FAT3: variants seen among roughly 807,000 people sequenced by gnomAD.
The protein encoded by FAT3 is protocadherin Fat 3.
In FAT3, 95 loss-of-function variants were observed where a neutral mutation model predicts 310.2. That is an observed-to-expected ratio of 0.31 (90% confidence interval 0.26 to 0.36). The LOEUF (loss-of-function observed/expected upper bound fraction) is 0.36, where lower values mean the gene tolerates loss of function less well. Ranked by LOEUF, FAT3 falls within the 10% of genes least tolerant of loss-of-function variation. The pLI, the probability that FAT3 is intolerant of heterozygous loss-of-function variation, is 1.00. For synonymous variants in FAT3, 2,314 were observed against 2,192.9 expected, an observed-to-expected ratio of 1.06 and a Z score of -1.54; for missense variants, 5,408 against 5,715.6, an observed-to-expected ratio of 0.95 and a Z score of 1.74.
intron 4 of FAT3, among the ~76,000 whole-genome samples, chr11:92,759,520 T>G (rs115477530): frequency 6.6e-6 from 1 of 152,132 alleles, no homozygotes; most frequent in African/African-American, 2.4e-5. Flanking sequence ...CAGCTGGACT[T>G]AAAGGGTGAG....
Position 92,352,208 on chromosome 11 carries a change from G to A in FAT3, c.96G>A (p.Gly32=), listed in dbSNP as rs948993113. Residue 32 remains glycine, a synonymous_variant, in exon 2 of 28, where the codon GGG becomes GGA. Coordinates refer to ENST00000525166, the MANE Select transcript of FAT3 (RefSeq NM_001367949.2). ...AGCTTTTGGCCACTGTCTCCCAGGG[G>A]CTGCCAGGGACTGGACCCCTGGGCT... The part of the protein sequence containing the change: ...LFKLLATVSQ[G]LPGTGPLGFH... The A allele has an allele frequency of 3.6e-6, 5 of 1,378,894 alleles. No homozygotes were observed. The highest frequency in any genetic ancestry group is 4.4e-5 in the East Asian group (1 of 22,642). 85.4% of individuals were successfully genotyped at this position (1,378,894 alleles called of 1,614,324 possible).
chr11:92,617,492 A>G (rs1306633946), intron 3 of FAT3, among the ~76,000 whole-genome samples: 2 of 152,122 alleles, frequency 1.3e-5, no homozygotes, highest in African/African-American at 4.8e-5. Context: ...AACTCGTCAA[A>G]GTCATTCTCT....
intron 20 of FAT3, among the ~76,000 whole-genome samples, chr11:92,858,826 G>A (rs959777130): frequency 3.3e-5 from 5 of 152,280 alleles, no homozygotes; most frequent in South Asian, 2.1e-4. Context: ...AGGAATGAAG[G>A]GGTATCTTTT....
chr11:92,484,675 AG>A (rs1374343240), intron 2 of FAT3, among the ~76,000 whole-genome samples: 2 of 152,210 alleles, frequency 1.3e-5, no homozygotes, highest in Non-Finnish European at 2.9e-5. Context: ...TTAAACCCAC[AG>A]CTTATTGTTT....
chr11:92,625,124 A>G (rs1478409038), intron 3 of FAT3, among the ~76,000 whole-genome samples: 1 of 152,178 alleles, frequency 6.6e-6, no homozygotes, highest in Non-Finnish European at 1.5e-5. Flanking sequence ...AGAGAACACG[A>G]GAAAAGGAGA....
intron 3 of FAT3, among the ~76,000 whole-genome samples, chr11:92,553,616 A>T (rs1048803864): frequency 6.6e-6 from 1 of 152,108 alleles, no homozygotes; most frequent in African/African-American, 2.4e-5. Flanking sequence ...CTGGGAGCAG[A>T]CCTAAACTCT....
chr11:92,866,906 C>A lies in FAT3; in HGVS notation c.11824C>A (p.Arg3942=), dbSNP rs190745363. Residue 3942 remains arginine, a synonymous_variant, in exon 22 of 28, where the codon CGG becomes AGG. Coordinates refer to ENST00000525166, the MANE Select transcript of FAT3 (RefSeq NM_001367949.2). ...GGATGACAGCTACGTGGAGCGGCGC[C>A]GGGCGCCCCTCTACTTCCAGACGCT... ...SLDDSYVERR[R]APLYFQTLST... is the part of the protein sequence containing the mutation. 6.2e-7 allele frequency: 1 copy of A among 1,613,982 alleles called. No homozygotes were observed. Among genetic ancestry groups the A allele is most frequent in the Non-Finnish European group, 8.5e-7 (1 of 1,179,900 alleles).
chr11:92,805,243 A>G lies in FAT3; in HGVS notation c.8987A>G (p.Asp2996Gly). 4 of 1,613,922 alleles carry G rather than the reference A, an allele frequency of 2.5e-6. No homozygotes were observed. Among genetic ancestry groups the G allele is most frequent in the Admixed American group, 1.7e-5 (1 of 60,020 alleles). The change falls in exon 11 of 28, where the codon GAC becomes GGC. Residue 2996 changes from aspartate to glycine, a missense_variant. By Grantham distance (94) the Asp-to-Gly change is moderately conservative. Transcript: ENST00000525166. ...AGGCCTCTAGACAGAGAAGAACAGG[A>G]CATTTACTTTCTCAATATCACTGCC... The part of the protein sequence containing the change: ...VKRPLDREEQ[D>G]IYFLNITATD...
intron 1 of FAT3, among the ~76,000 whole-genome samples, chr11:92,305,228 T>A (rs1947090368): frequency 6.6e-6 from 1 of 152,126 alleles, no homozygotes. Flanking sequence ...GAGGTCTTAT[T>A]TTATAGATAA....
intron 2 of FAT3, among the ~76,000 whole-genome samples, chr11:92,460,425 C>G (rs1951606016): frequency 6.6e-6 from 1 of 152,188 alleles, no homozygotes; most frequent in Non-Finnish European, 1.5e-5. Context: ...CAGGGCTGGA[C>G]TAATTACGCA....
intron 9 of FAT3, among the ~76,000 whole-genome samples, chr11:92,796,705 C>G (rs1446315381): frequency 6.6e-6 from 1 of 152,146 alleles, no homozygotes; most frequent in East Asian, 1.9e-4. Context: ...ATAAGAGAAG[C>G]AAAAAGCAAC....
chr11:92,565,318 T>A (rs925365056), intron 3 of FAT3, among the ~76,000 whole-genome samples: 3 of 148,080 alleles, frequency 2.0e-5, no homozygotes, highest in African/African-American at 7.4e-5. Flanking sequence ...ACACATACAC[T>A]CTCCCAAGAC....
At chr11:92,854,502 C>A (rs1354811081) in intron 19 of FAT3, among the ~76,000 whole-genome samples, 1 of 152,228 alleles carries the variant, frequency 6.6e-6, no homozygotes, top group African/African-American at 2.4e-5. Flanking sequence ...CCATTCCAGA[C>A]AGGCTATCGC....
In FAT3 at chr11:92,805,303, A is replaced by C; in HGVS notation, c.9047A>C (p.Glu3016Ala). ...CTTTTTGTCACACAGGCCATGGTGG[A>C]AGTGAGCGTCAGTGATGTGAATGAC... ...DGLFVTQAMV[E>A]VSVSDVNDNS... Residue 3016 changes from glutamate to alanine, a missense_variant, in exon 11 of 28, where the codon GAA becomes GCA. Glu to Ala is a moderately radical substitution (Grantham distance 107). Transcript: ENST00000525166. The C allele has an allele frequency of 6.2e-7, 1 of 1,613,786 alleles. No individual in the cohort carries two copies. The highest frequency in any genetic ancestry group is 1.1e-5 in the South Asian group (1 of 91,040).
At chr11:92,814,178 G>A (rs1947758409) in intron 13 of FAT3, among the ~76,000 whole-genome samples, 2 of 152,092 alleles carry the variant, frequency 1.3e-5, no homozygotes, top group Non-Finnish European at 1.5e-5. Flanking sequence ...CGAAGTCTCA[G>A]GTATTTTTTA....
At chr11:92,603,454 C>T (rs1940128017) in intron 3 of FAT3, among the ~76,000 whole-genome samples, 1 of 152,106 alleles carries the variant, frequency 6.6e-6, no homozygotes, top group African/African-American at 2.4e-5. Flanking sequence ...TTAATTAAAG[C>T]CCTATGAAAC....
chr11:92,355,033 C>A lies in FAT3; in HGVS notation c.2921C>A (p.Ser974Tyr), dbSNP rs1293127953. Residue 974 changes from serine to tyrosine, a missense_variant, in exon 2 of 28, where the codon TCT (serine) becomes TAT (tyrosine). Ser to Tyr is a moderately radical substitution (Grantham distance 144). This residue lies in a region of FAT3 where 4,588 missense variants were observed against 4,809.8 expected (regional missense o/e 0.95). Transcript: ENST00000525166. The part of the protein sequence containing the change: ...DLGLGGQVRY[S>Y]LVNDYNGRFE... Reference sequence around the variant, plus strand: ...GGACTGGGGGGTCAAGTGCGCTATTCTTTGGTCAATGACTATAATGGGAGA... The same window carrying A: ...GGACTGGGGGGTCAAGTGCGCTATTATTTGGTCAATGACTATAATGGGAGA... 1 of 1,613,810 alleles carries A rather than the reference C, an allele frequency of 6.2e-7. No homozygotes were observed. The highest frequency in any genetic ancestry group is 1.7e-5 in the Admixed American group (1 of 59,916).
chr11:92,782,420 T>TA (rs1001234893), intron 7 of FAT3, among the ~76,000 whole-genome samples: 22 of 151,320 alleles, frequency 1.5e-4, no homozygotes, highest in Admixed American at 6.6e-4. Flanking sequence ...TTACAAAAAA[T>TA]AAAAAAAACC....
intron 1 of FAT3, among the ~76,000 whole-genome samples, chr11:92,288,734 TTAAAC>T (rs1409983712): frequency 3.3e-5 from 5 of 152,102 alleles, no homozygotes; most frequent in Non-Finnish European, 5.9e-5. Flanking sequence ...AGGATTTTGT[TTAAAC>T]TAAAATAAAC....
Sources: gnomAD v4.1 joint callset for allele counts (sites outside exome capture counted in the v4.1 genomes callset) on GRCh38, gnomAD v4.1.1 for gene constraint, gnomAD v4.1.1 regional missense constraint, MANE v1.5 for transcripts, NCBI Gene and HGNC (gene_info 2026-07-23, HGNC 2026-07-21) for gene names.